Variants in SDK2 observed in about 807,000 individuals in gnomAD.
SDK2 encodes the protein sidekick cell adhesion molecule 2.
A neutral mutation model predicts 253.9 loss-of-function variants in SDK2; 105 were observed. That is an observed-to-expected ratio of 0.41 (90% CI 0.35 to 0.49). The LOEUF (loss-of-function observed/expected upper bound fraction) is 0.49, where lower values mean the gene tolerates loss of function less well. Among genes scored for constraint, SDK2 ranks in the 20% least tolerant of loss-of-function variants. The pLI, the probability that SDK2 is intolerant of heterozygous loss-of-function variation, is 0.06. For synonymous variants in SDK2, 1,249 were observed against 1,234.9 expected (o/e 1.01, Z -0.24); for missense variants, 2,608 against 3,003.0 (o/e 0.87, Z 3.07).
chr17:73,412,905 A>C (rs2145564348), intron 18 of SDK2, among the ~76,000 whole-genome samples: 1 of 152,278 alleles, frequency 6.6e-6, no homozygotes, highest in African/African-American at 2.4e-5. Context: ...GAAGACAGAC[A>C]CCTAGAAGTC....
At chr17:73,452,802 G>C (rs1012978492) in intron 4 of SDK2, among the ~76,000 whole-genome samples, 17 of 152,178 alleles carry the variant, frequency 1.1e-4, no homozygotes, top group African/African-American at 2.4e-5. Context: ...GCTTGCAATA[G>C]GCCATGGGAA....
chr17:73,531,336 T>C (rs1313970808), intron 1 of SDK2, among the ~76,000 whole-genome samples: 1 of 152,198 alleles, frequency 6.6e-6, no homozygotes, highest in African/African-American at 2.4e-5. Flanking sequence ...CGGTCTTGTT[T>C]GTACAGTCAT....
rs1242400305 is a variant in SDK2, at chr17:73,612,986, C to G, written c.64+31039G>C. Among the ~76,000 whole-genome samples the G allele has an allele frequency of 6.6e-6, 1 of 152,150 alleles. No homozygotes were observed. On this transcript the variant is annotated intron_variant, in intron 1 of 44. Transcript: ENST00000392650. This position sits in a 1 kb window ranked among gnomAD's most constrained non-coding sequence, Gnocchi z 4.4. ...TACCAGATGTTTAGTATACACCAGGCTCTGTGCGACATGCTGTCTGATCTG... is the reference window on the plus strand; with the variant it reads ...TACCAGATGTTTAGTATACACCAGGGTCTGTGCGACATGCTGTCTGATCTG...
rs920528647 is a variant in SDK2, at chr17:73,532,629, A to G, written c.65-25032T>C. 2.6e-5 allele frequency among the ~76,000 whole-genome samples: 4 copies of G among 152,218 alleles called. No homozygotes were observed. The South Asian group carries it at 6.2e-4, about 24-fold the overall frequency. On this transcript the variant is annotated intron_variant, in intron 1 of 44. Transcript: ENST00000392650. ...CAATGAAATCGCCCTTCTTATCAAC[A>G]TGGACTGCCAGACTGATGAGACAAA...
chr17:73,474,192 A>T (rs958367120), intron 2 of SDK2, among the ~76,000 whole-genome samples: 2 of 152,148 alleles, frequency 1.3e-5, no homozygotes, highest in Non-Finnish European at 2.9e-5. Flanking sequence ...TTTAAACTTA[A>T]ATTTTACACA....
chr17:73,354,202 C>G (rs2062566038), intron 40 of SDK2, among the ~76,000 whole-genome samples: 1 of 152,192 alleles, frequency 6.6e-6, no homozygotes, highest in Non-Finnish European at 1.5e-5. Flanking sequence ...CCACCGCGCT[C>G]AGCCAACAGG....
chr17:73,390,390 C>G lies in SDK2; in HGVS notation c.4089G>C (p.Thr1363=), dbSNP rs374855753. Residue 1363 remains threonine, a synonymous_variant, in exon 29 of 45, where the codon ACG becomes ACC. Transcript: ENST00000392650. ...LAPSARQYTA[T]GLKPESVYLF... is the part of the protein sequence containing the mutation. ...GGTAGACAGACTCTGGCTTGAGGCC[C>G]GTGGCTGTGTACTGCCGGGCGCTGG... 5.6e-6 allele frequency: 9 copies of G among 1,612,538 alleles called. No individual in the cohort carries two copies. The Admixed American group carries it at 1.5e-4, about 27-fold the overall frequency.
At position 73,443,340 on chromosome 17, in the gene SDK2, T is replaced by C. The variant is rs1203256030; in HGVS notation, c.614-2417A>G. Among the ~76,000 whole-genome samples the C allele has an allele frequency of 2.0e-5, 3 of 152,250 alleles. No individual in the cohort carries two copies. Among genetic ancestry groups the C allele is most frequent in the Admixed American group, 6.5e-5 (1 of 15,288 alleles). On this transcript the variant is annotated intron_variant, in intron 5 of 44. Transcript: ENST00000392650. The surrounding 1 kb of genome is among the most constrained non-coding windows in gnomAD (Gnocchi z 4.6). ...TAATTGCAACAATATAAAAGCCTCA[T>C]GTAGGTGCCATAACGAGCGATCGGA...
chr17:73,357,772 G>A (rs1026044042), intron 40 of SDK2: 25 of 469,212 alleles, frequency 5.3e-5, no homozygotes, highest in African/African-American at 1.0e-4. Flanking sequence ...GGAGGATTCG[G>A]TGTGTGACCC....
rs527728344 is a variant in SDK2 at position 73,401,776 on chromosome 17, C to T, written c.2681-24G>A. ...CACTGCACCCCAAAAGGAACCCCCA[C>T]CCCCCAAGGCCAGTTAGAGCCAGAG... On this transcript the variant is annotated intron_variant, in intron 19 of 44. Transcript: ENST00000392650. The T allele has an allele frequency of 2.2e-5, 33 of 1,534,520 alleles. No homozygotes were observed. The African/African-American group carries it at 2.7e-4, about 12-fold the overall frequency.
At position 73,643,306 on chromosome 17, in the gene SDK2, C is replaced by A. The variant is rs775571418; in HGVS notation, c.64+719G>T. ...GCGAGCGGCTGCACAGACTATCGAG[C>A]GAACAGCGGAGGCTGGAGGCAGGGG... On this transcript the variant is annotated intron_variant, in intron 1 of 44. Transcript: ENST00000392650. The surrounding 1 kb of genome is among the most constrained non-coding windows in gnomAD (Gnocchi z 6.9). Among the ~76,000 whole-genome samples, 51 of 152,320 alleles carry A rather than the reference C, an allele frequency of 3.3e-4. No individual in the cohort carries two copies. The highest frequency in any genetic ancestry group is 5.6e-4 in the Non-Finnish European group (38 of 68,016).
intron 13 of SDK2, 38 bp downstream of exon 13, chr17:73,423,878 G>A (rs1263555129): frequency 2.7e-6 from 4 of 1,499,762 alleles, no homozygotes; most frequent in Non-Finnish European, 3.6e-6. Flanking sequence ...GCTATTGCCT[G>A]GACCGCCTCT....
At chr17:73,538,833 T>C (rs2044821467) in intron 1 of SDK2, among the ~76,000 whole-genome samples, 1 of 152,128 alleles carries the variant, frequency 6.6e-6, no homozygotes, top group Admixed American at 6.6e-5. Context: ...GTCAGCACTT[T>C]CTAGATGGGG....
intron 44 of SDK2, among the ~76,000 whole-genome samples, chr17:73,346,255 A>T (rs7220853): frequency 0.91 from 138,358 of 152,076 alleles, 64,247 homozygotes; most frequent in Non-Finnish European, 1. Flanking sequence ...TGCTCTGTGT[A>T]TCTCCTTTTT....
intron 1 of SDK2, among the ~76,000 whole-genome samples, chr17:73,525,854 C>T (rs755801061): frequency 3.3e-5 from 5 of 152,202 alleles, no homozygotes; most frequent in Non-Finnish European, 5.9e-5. Flanking sequence ...TTCAACCATT[C>T]ATTCTTTCAC....
chr17:73,519,891 C>G (rs780590487), intron 1 of SDK2: 4 of 152,170 alleles, frequency 2.6e-5, no homozygotes, highest in Non-Finnish European at 4.4e-5. Flanking sequence ...GCTGGTGACC[C>G]CGGTGTACCA....
Position 73,534,174 on chromosome 17 carries a change from A to G in SDK2, c.65-26577T>C, listed in dbSNP as rs9909808. 0.36 allele frequency among the ~76,000 whole-genome samples: 54,111 copies of G among 152,000 alleles called. 9,919 individuals carry two copies. The highest frequency in any genetic ancestry group is 0.59 in the East Asian group (3,044 of 5,144). The stretch of plus-strand genomic sequence containing the variant: ...ACTTTTATTCAGCAACCACGGGACA[A>G]TGCAGTGCAATGGCTGGTAGGAGAG... On this transcript the variant is annotated intron_variant, in intron 1 of 44. Coordinates refer to ENST00000392650, the MANE Select transcript of SDK2 (RefSeq NM_001144952.2). The surrounding 1 kb of genome is among the most constrained non-coding windows in gnomAD (Gnocchi z 4.9).
At chr17:73,605,038 C>G (rs141923231) in intron 1 of SDK2, among the ~76,000 whole-genome samples, 12 of 152,330 alleles carry the variant, frequency 7.9e-5, no homozygotes, top group African/African-American at 2.9e-4. Flanking sequence ...GAGGCCACCA[C>G]TGGGCAAGGC....
intron 40 of SDK2, among the ~76,000 whole-genome samples, chr17:73,353,362 C>T (rs991232310): frequency 1.3e-5 from 2 of 152,160 alleles, no homozygotes; most frequent in South Asian, 2.1e-4. Flanking sequence ...AACTAACCCC[C>T]TTTCCTAATT....
Sources: gnomAD v4.1 joint callset for allele counts (sites outside exome capture counted in the v4.1 genomes callset) on GRCh38, gnomAD v4.1.1 for gene constraint, Gnocchi (gnomAD v3.1) non-coding constraint, MANE v1.5 for transcripts, NCBI Gene and HGNC (gene_info 2026-07-23, HGNC 2026-07-21) for gene names.